The following YTHDC2 variants were observed in gnomAD, a reference collection of about 807,000 sequenced individuals.
The protein encoded by YTHDC2 is YTH N6-methyladenosine RNA binding protein C2, also known as 3'-5' RNA helicase YTHDC2.
A neutral mutation model predicts 174.9 loss-of-function variants in YTHDC2; 45 were observed. That is an observed-to-expected ratio of 0.26 (90% CI 0.20 to 0.33). The LOEUF is 0.33. YTHDC2 is among the 10% of genes least tolerant of loss of function. YTHDC2 has a pLI of 1.00. For synonymous variants in YTHDC2, 657 were observed against 574.5 expected (o/e 1.14, Z -2.05); for missense variants, 1,650 against 1,723.7 (o/e 0.96, Z 0.76).
intron 7 of YTHDC2, among the ~76,000 whole-genome samples, chr5:113,538,752 C>T (rs150731478): frequency 2.6e-5 from 4 of 152,100 alleles, no homozygotes; most frequent in African/African-American, 9.7e-5. Flanking sequence ...ATTTCTGTCT[C>T]TTCCACTAGC....
At position 113,514,411 on chromosome 5, in the gene YTHDC2, G is replaced by T. The variant is rs1361729911; in HGVS notation, c.187+329G>T. ...GGTTAGCCCTAACCCTTTTTAAGGG[G>T]GTGTCACCTAATTGTGGCACGTTTA... On this transcript the variant is annotated intron_variant, in intron 1 of 29. Coordinates refer to ENST00000161863, the MANE Select transcript of YTHDC2 (RefSeq NM_022828.5). 7.5e-6 allele frequency: 4 copies of T among 531,068 alleles called. No homozygotes were observed. In the East Asian group the frequency reaches 1.7e-4, roughly 23 times the overall value. The allele number at this position is 531,068 out of a possible 1,614,324, so 32.9% of individuals were successfully genotyped here.
Position 113,594,208 on chromosome 5 carries a change from T to C in YTHDC2, c.*734T>C. The stretch of plus-strand genomic sequence containing the variant: ...TGTACCTTACTCTTTCCTCCCTCTC[T>C]TCCTCCCTTCCTCCTCTCCCCGCTC... On this transcript the variant is annotated 3_prime_UTR_variant, in exon 30 of 30. Coordinates refer to ENST00000161863, the MANE Select transcript of YTHDC2 (RefSeq NM_022828.5). 1 of 152,422 alleles carries C rather than the reference T, an allele frequency of 6.6e-6. No individual in the cohort carries two copies. The highest frequency in any genetic ancestry group is 1.5e-5 in the Non-Finnish European group (1 of 68,070). 9.4% of individuals were successfully genotyped at this position (152,422 alleles called of 1,614,324 possible).
At chr5:113,582,456 A>G (rs1018565981) in intron 25 of YTHDC2, 5 of 152,222 alleles carry the variant, frequency 3.3e-5, no homozygotes, top group African/African-American at 7.2e-5. Flanking sequence ...AGTGGTTACA[A>G]TAAATCATTG....
chr5:113,582,385 A>G (rs1469849633), intron 25 of YTHDC2: 1 of 152,188 alleles, frequency 6.6e-6, no homozygotes, highest in South Asian at 2.1e-4. Context: ...TATTTTATGA[A>G]TATTAATGAG....
intron 8 of YTHDC2, among the ~76,000 whole-genome samples, chr5:113,540,165 A>G (rs1220545014): frequency 1.3e-5 from 2 of 152,348 alleles, no homozygotes; most frequent in African/African-American, 2.4e-5. Flanking sequence ...AACTACAGGC[A>G]TGAGCCACCA....
chr5:113,570,314 C>T (rs1390936675), intron 23 of YTHDC2, among the ~76,000 whole-genome samples: 1 of 152,100 alleles, frequency 6.6e-6, no homozygotes, highest in Non-Finnish European at 1.5e-5. Flanking sequence ...GCAGGGTGAT[C>T]TTGAACTCCA....
Position 113,525,194 on chromosome 5 carries a change from G to T in YTHDC2, c.475+17G>T. The T allele has an allele frequency of 6.5e-7, 1 of 1,544,036 alleles. No homozygotes were observed. The highest frequency in any genetic ancestry group is 8.7e-7 in the Non-Finnish European group (1 of 1,149,528). On this transcript the variant is annotated intron_variant, in intron 3 of 29. Transcript: ENST00000161863. ...TTGAAGCTGGTATGTATTTTCTGGGGAGCTTCCTCATTTACCCTATTATTT... is the reference window on the plus strand; with the variant it reads ...TTGAAGCTGGTATGTATTTTCTGGGTAGCTTCCTCATTTACCCTATTATTT...
chr5:113,570,803 A>C (rs2112750130), intron 23 of YTHDC2, among the ~76,000 whole-genome samples: 1 of 151,734 alleles, frequency 6.6e-6, no homozygotes, highest in South Asian at 2.1e-4. Flanking sequence ...GACGTCTGCC[A>C]CCATACTCCA....
intron 2 of YTHDC2, among the ~76,000 whole-genome samples, chr5:113,520,436 A>T (rs776206761): frequency 6.6e-6 from 1 of 152,200 alleles, no homozygotes; most frequent in African/African-American, 2.4e-5. Context: ...AAAATAAAAA[A>T]TTAGGTCACA....
chr5:113,585,275 A>C (rs1008320312), intron 26 of YTHDC2, among the ~76,000 whole-genome samples: 14 of 152,154 alleles, frequency 9.2e-5, no homozygotes, highest in Admixed American at 3.3e-4. Context: ...TCTTTAAAAA[A>C]ACTTGTAATA....
At chr5:113,563,279 T>C in intron 18 of YTHDC2, 94 bp from the exon 19 acceptor site, 1 of 1,060,092 alleles carries the variant, frequency 9.4e-7, no homozygotes, top group Non-Finnish European at 1.3e-6. Flanking sequence ...TCTACTAGTC[T>C]GTGTTTGGGA....
intron 4 of YTHDC2, among the ~76,000 whole-genome samples, chr5:113,528,635 A>G (rs1159826621): frequency 1.3e-5 from 2 of 151,876 alleles, no homozygotes; most frequent in Non-Finnish European, 2.9e-5. Context: ...CTGCCTCCCA[A>G]GTAGCTAGGA....
At position 113,564,069 on chromosome 5, in the gene YTHDC2, T is replaced by C; in HGVS notation, c.2653T>C (p.Cys885Arg). ...CTCTCAAAAACGTGCAGCTATGCTT[T>C]GTAGGAAACGTTTTACTGCAGGAGC... ...QASQKRAAML[C>R]RKRFTAGAFS... The change falls in exon 20 of 30, where the codon TGT (cysteine) becomes CGT (arginine). Residue 885 changes from cysteine (C) to arginine (R), a missense_variant. By Grantham distance (180) the Cys-to-Arg change is radical (BLOSUM62 -3). Around this residue, in one of 5 missense-constraint regions of YTHDC2, gnomAD observed 913 missense variants for 940.4 expected, o/e 0.97. Coordinates refer to ENST00000161863, the MANE Select transcript of YTHDC2 (RefSeq NM_022828.5). 6.2e-7 allele frequency: 1 copy of C among 1,614,178 alleles called. No homozygotes were observed. The highest frequency in any genetic ancestry group is 1.1e-5 in the South Asian group (1 of 91,084).
In YTHDC2 at chr5:113,521,870, A is replaced by G. The variant is rs116151847; in HGVS notation, c.279-3111A>G. Among the ~76,000 whole-genome samples the G allele has an allele frequency of 6.6e-3, 1,000 of 151,452 alleles. 6 individuals carry two copies. Among genetic ancestry groups the G allele is most frequent in the African/African-American group, 0.022 (931 of 41,410 alleles). On this transcript the variant is annotated intron_variant, in intron 2 of 29. Transcript: ENST00000161863. ...CCAGAAAAATAAATTTACTATAGGC[A>G]TAGTGACCATACCTTGAAAGCAGCT...
chr5:113,556,144 A>C lies in YTHDC2; in HGVS notation c.2216+10A>C. The C allele has an allele frequency of 6.5e-7, 1 of 1,550,100 alleles. No individual in the cohort carries two copies. Among genetic ancestry groups the C allele is most frequent in the Non-Finnish European group, 8.9e-7 (1 of 1,127,044 alleles). ...TACAGCGGAAAGGCAGGTAATGTAT[A>C]TTTAATGTATATTCATTCAATTGCC... On this transcript the variant is annotated intron_variant, in intron 17 of 29. Transcript: ENST00000161863.
At chr5:113,516,428 TCTGTGGCG>T (rs1175943550) in intron 2 of YTHDC2, among the ~76,000 whole-genome samples, 2 of 152,208 alleles carry the variant, frequency 1.3e-5, no homozygotes, top group African/African-American at 2.4e-5. Flanking sequence ...ACTCTAAAAT[TCTGTGGCG>T]CTATTTCATT....
intron 2 of YTHDC2, among the ~76,000 whole-genome samples, chr5:113,521,544 A>G (rs1390409577): frequency 6.6e-6 from 1 of 152,082 alleles, no homozygotes; most frequent in Non-Finnish European, 1.5e-5. Context: ...CAGCCTGACT[A>G]ATATGGTGAA....
At chr5:113,584,246 T>C in intron 25 of YTHDC2, 56 bp from the exon 26 acceptor site, 1 of 1,460,584 alleles carries the variant, frequency 6.8e-7, no homozygotes, top group Non-Finnish European at 9.3e-7. Flanking sequence ...ACATAACTGA[T>C]CTTTGTATGA....
intron 17 of YTHDC2, among the ~76,000 whole-genome samples, chr5:113,557,808 T>C (rs1776714613): frequency 6.6e-6 from 1 of 152,012 alleles, no homozygotes; most frequent in Non-Finnish European, 1.5e-5. Flanking sequence ...TCAAAAAAAA[T>C]AAAATAACAA....
Sources: allele counts gnomAD v4.1 joint callset (sites outside exome capture counted in the v4.1 genomes callset), GRCh38; gene constraint gnomAD v4.1.1; regional missense constraint gnomAD v4.1.1; transcripts MANE v1.5; gene names NCBI Gene and HGNC (gene_info 2026-07-23, HGNC 2026-07-21).